MFSD6: variants seen among roughly 807,000 people sequenced by gnomAD.
The protein encoded by MFSD6 is major facilitator superfamily domain containing 6, also known as major facilitator superfamily domain-containing protein 6.
A neutral mutation model predicts 56.3 loss-of-function variants in MFSD6; 26 were observed. The observed-to-expected ratio is 0.46, with a 90% CI of 0.34 to 0.64. The LOEUF (loss-of-function observed/expected upper bound fraction) is 0.64. MFSD6 is among the 30% of genes least tolerant of loss of function. The probability of loss-of-function intolerance (pLI) is 0.01; values close to 1 mark genes in which losing one functional copy is unlikely to be tolerated. For synonymous variants in MFSD6, 331 were observed against 366.9 expected (o/e 0.90, Z 1.12); for missense variants, 750 against 986.2 (o/e 0.76, Z 3.21).
chr2:190,448,728 A>T (rs1164121608), intron 3 of MFSD6, among the ~76,000 whole-genome samples: 1 of 152,224 alleles, frequency 6.6e-6, no homozygotes, highest in Admixed American at 6.5e-5. Context: ...ACAAAAAGAG[A>T]AAGGGACTTG....
rs1689620297 is a variant in MFSD6, at chr2:190,495,488, A to G, written c.1892-1951A>G. On this transcript the variant is annotated intron_variant, in intron 6 of 7. Coordinates refer to ENST00000392328, the MANE Select transcript of MFSD6 (RefSeq NM_017694.4). The surrounding 1 kb of genome is among the most constrained non-coding windows in gnomAD (Gnocchi z 4.7). ...CCACCATCATTCTTCACAGAACTAG[A>G]AAAAACAATCCTAAATTTCATATGG... Among the ~76,000 whole-genome samples, 1 of 152,120 alleles carries G rather than the reference A, an allele frequency of 6.6e-6. No homozygotes were observed. The highest frequency in any genetic ancestry group is 6.5e-5 in the Admixed American group (1 of 15,270).
In MFSD6 at chr2:190,487,895, T is replaced by C. The variant is rs990160567; in HGVS notation, c.1631-762T>C. Among the ~76,000 whole-genome samples the C allele has an allele frequency of 6.7e-6, 1 of 149,160 alleles. No individual in the cohort carries two copies. The highest frequency in any genetic ancestry group is 2.4e-5 in the African/African-American group (1 of 41,152). On this transcript the variant is annotated intron_variant, in intron 4 of 7. Coordinates refer to ENST00000392328, the MANE Select transcript of MFSD6 (RefSeq NM_017694.4). This position sits in a 1 kb window ranked among gnomAD's most constrained non-coding sequence, Gnocchi z 5.5. ...AACAATTGCATTTCTAGTTACCTAG[T>C]CAAAATAATTTTTTTTTCTTTTTTG...
rs1235942161 is a variant in MFSD6 at position 190,423,139 on chromosome 2, C to T, written c.-54+7726C>T. ...AGAGCAATGTCCCATGTATCCTGTA[C>T]CCCCTGACTTTTCCCCAGTGATAAC... On this transcript the variant is annotated intron_variant, in intron 2 of 7. Transcript: ENST00000392328. The surrounding 1 kb of genome is among the most constrained non-coding windows in gnomAD (Gnocchi z 4.3). Among the ~76,000 whole-genome samples, 2 of 152,112 alleles carry T rather than the reference C, an allele frequency of 1.3e-5. No homozygotes were observed. The highest frequency in any genetic ancestry group is 1.5e-5 in the Non-Finnish European group (1 of 68,032).
Position 190,417,541 on chromosome 2 carries a change from T to C in MFSD6, c.-54+2128T>C, listed in dbSNP as rs900845063. Among the ~76,000 whole-genome samples, 3 of 152,192 alleles carry C rather than the reference T, an allele frequency of 2.0e-5. No homozygotes were observed. The highest frequency in any genetic ancestry group is 6.5e-5 in the Admixed American group (1 of 15,280). ...GTCCTACCTACTAGTGGGTGCTCGATCTATAGCTGTAGGGTTTTTTTGGTT... is the reference window on the plus strand; with the variant it reads ...GTCCTACCTACTAGTGGGTGCTCGACCTATAGCTGTAGGGTTTTTTTGGTT... On this transcript the variant is annotated intron_variant, in intron 2 of 7. Coordinates refer to ENST00000392328, the MANE Select transcript of MFSD6 (RefSeq NM_017694.4). The surrounding 1 kb of genome is among the most constrained non-coding windows in gnomAD (Gnocchi z 5.7).
chr2:190,466,906 T>C (rs1687635864), intron 3 of MFSD6, among the ~76,000 whole-genome samples: 1 of 152,216 alleles, frequency 6.6e-6, no homozygotes, highest in Admixed American at 6.5e-5. Flanking sequence ...CTCCAGTGAC[T>C]GAATTCCATC....
intron 3 of MFSD6, among the ~76,000 whole-genome samples, chr2:190,460,776 G>A (rs1224005477): frequency 6.6e-6 from 1 of 152,212 alleles, no homozygotes; most frequent in African/African-American, 2.4e-5. Context: ...TGGGGATGGT[G>A]GCCGAGTGAG....
In MFSD6 at chr2:190,431,698, AG is replaced by A. The variant is rs1686009620; in HGVS notation, c.-53-4278del. Among the ~76,000 whole-genome samples the A allele has an allele frequency of 1.1e-5, 1 of 92,252 alleles. No homozygotes were observed. Among genetic ancestry groups the A allele is most frequent in the Non-Finnish European group, 3.2e-5 (1 of 31,632 alleles). 60.5% of individuals were successfully genotyped at this position (92,252 alleles called of 152,430 possible). A position where few individuals can be genotyped will look rare whatever the true frequency, so the allele number is the denominator to read the frequency against. ...TCAGCATCAGGGAGACCGTGGAAAG[AG>A]AGGGAGAGGGAGACTGTGGGGAGAG... On this transcript the variant is annotated intron_variant, in intron 2 of 7. Transcript: ENST00000392328. This position sits in a 1 kb window ranked among gnomAD's most constrained non-coding sequence, Gnocchi z 4.4.
At chr2:190,449,199 C>T (rs533867561) in intron 3 of MFSD6, among the ~76,000 whole-genome samples, 5 of 152,254 alleles carry the variant, frequency 3.3e-5, no homozygotes, top group East Asian at 1.9e-4. Context: ...ATTAGCTGGG[C>T]GCAGTGGCTC....
intron 1 of MFSD6, among the ~76,000 whole-genome samples, chr2:190,409,387 T>C (rs1160865202): frequency 6.6e-6 from 1 of 151,664 alleles, no homozygotes; most frequent in Admixed American, 6.6e-5. Context: ...AATAAGCACC[T>C]CACAGAACTA....
At position 190,489,726 on chromosome 2, in the gene MFSD6, A is replaced by C; in HGVS notation, c.1793-42A>C. On this transcript the variant is annotated intron_variant, in intron 5 of 7. Transcript: ENST00000392328. This position sits in a 1 kb window ranked among gnomAD's most constrained non-coding sequence, Gnocchi z 6.6. ...ATGGTTTTAGATGAGCGCTATCTGC[A>C]TTTCTTGGAATTACTCTATAGAGTG... 1.5e-5 allele frequency: 24 copies of C among 1,561,440 alleles called. No homozygotes were observed. Among genetic ancestry groups the C allele is most frequent in the African/African-American group, 2.7e-5 (2 of 73,592 alleles).
chr2:190,483,862 C>T (rs1448465715), intron 4 of MFSD6, among the ~76,000 whole-genome samples: 2 of 141,446 alleles, frequency 1.4e-5, no homozygotes, highest in East Asian at 4.2e-4. Flanking sequence ...AAAAAGTTAA[C>T]GAAAACAATT....
rs1686119655 is a variant in MFSD6, at chr2:190,434,719, AC to A, written c.-53-1256del. The stretch of plus-strand genomic sequence containing the variant: ...AGTGCTGGGATTACAGGTGTGAGCC[AC>A]CGCGCCCGGCCAAAACACTGTTTTT... On this transcript the variant is annotated intron_variant, in intron 2 of 7. Transcript: ENST00000392328. The surrounding 1 kb of genome is among the most constrained non-coding windows in gnomAD (Gnocchi z 4.3). Among the ~76,000 whole-genome samples the A allele has an allele frequency of 6.6e-6, 1 of 152,194 alleles. No homozygotes were observed. Among genetic ancestry groups the A allele is most frequent in the South Asian group, 2.1e-4 (1 of 4,830 alleles).
intron 4 of MFSD6, among the ~76,000 whole-genome samples, chr2:190,481,831 T>C (rs1045698077): frequency 6.6e-6 from 1 of 151,952 alleles, no homozygotes; most frequent in Non-Finnish European, 1.5e-5. Flanking sequence ...AGAAGATCCA[T>C]GCTGCTGCTG....
rs1358449893 is a variant in MFSD6 at position 190,434,641 on chromosome 2, C to T, written c.-53-1336C>T. The stretch of plus-strand genomic sequence containing the variant: ...TAGAAACGGGGTTTCACCATGTTGG[C>T]CAGGATGGTCTCAATCTCCTGAACT... On this transcript the variant is annotated intron_variant, in intron 2 of 7. Transcript: ENST00000392328. The surrounding 1 kb of genome is among the most constrained non-coding windows in gnomAD (Gnocchi z 4.3). 6.6e-6 allele frequency among the ~76,000 whole-genome samples: 1 copy of T among 152,118 alleles called. No homozygotes were observed. Among genetic ancestry groups the T allele is most frequent in the African/African-American group, 2.4e-5 (1 of 41,418 alleles).
chr2:190,478,014 T>C (rs1457289042), intron 4 of MFSD6, among the ~76,000 whole-genome samples: 2 of 152,166 alleles, frequency 1.3e-5, no homozygotes, highest in African/African-American at 2.4e-5. Flanking sequence ...ATAAGTGGTG[T>C]GCCGGGGCTA....
intron 2 of MFSD6, among the ~76,000 whole-genome samples, chr2:190,419,144 T>C (rs1025734142): frequency 4.6e-5 from 7 of 151,950 alleles, no homozygotes; most frequent in Admixed American, 2.0e-4. Flanking sequence ...GCAATCCTGA[T>C]GGAAAAAAAA....
At chr2:190,466,598 T>C (rs1559127141) in intron 3 of MFSD6, among the ~76,000 whole-genome samples, 5 of 152,216 alleles carry the variant, frequency 3.3e-5, no homozygotes, top group Non-Finnish European at 7.3e-5. Flanking sequence ...AATCATTTAT[T>C]GAGTGCTTAT....
chr2:190,476,825 C>G (rs1688347136), intron 4 of MFSD6, among the ~76,000 whole-genome samples: 1 of 151,996 alleles, frequency 6.6e-6, no homozygotes, highest in Admixed American at 6.6e-5. Flanking sequence ...CAGTGATAGA[C>G]TGGATTAAGA....
intron 4 of MFSD6, among the ~76,000 whole-genome samples, chr2:190,473,931 A>G (rs2125164885): frequency 6.6e-6 from 1 of 152,388 alleles, no homozygotes; most frequent in Middle Eastern, 3.4e-3. Flanking sequence ...CTGCTCAAGT[A>G]CATGGAAACT....
Sources: gnomAD v4.1 joint callset for allele counts (sites outside exome capture counted in the v4.1 genomes callset) on GRCh38, gnomAD v4.1.1 for gene constraint, Gnocchi (gnomAD v3.1) non-coding constraint, MANE v1.5 for transcripts, NCBI Gene and HGNC (gene_info 2026-07-23, HGNC 2026-07-21) for gene names.